NCOA2: variants seen among roughly 807,000 people sequenced by gnomAD.
NCOA2 encodes the protein nuclear receptor coactivator 2, also known as class E basic helix-loop-helix protein 75.
Under a neutral mutation model 145.1 loss-of-function variants are expected in NCOA2, and 21 were observed. That is an observed-to-expected ratio of 0.14 (90% CI 0.10 to 0.21). The LOEUF (loss-of-function observed/expected upper bound fraction) is 0.21, where lower values mean the gene tolerates loss of function less well. Ranked by LOEUF, NCOA2 falls within the 10% of genes least tolerant of loss-of-function variation. The pLI is 1.00. For missense variants in NCOA2, 1,472 were observed against 1,837.6 expected (o/e 0.80, Z 3.64); for synonymous variants, 619 against 637.5 (o/e 0.97, Z 0.44).
At chr8:70,154,508 G>C (rs1052985514) in intron 11 of NCOA2, among the ~76,000 whole-genome samples, 2 of 152,160 alleles carry the variant, frequency 1.3e-5, no homozygotes, top group African/African-American at 4.8e-5. Flanking sequence ...CAACTCCTGG[G>C]CTCAAGCAGC....
the NCOA2 span, among the ~76,000 whole-genome samples, chr8:70,427,497 T>C: frequency 6.6e-6 from 1 of 152,220 alleles, no homozygotes; most frequent in Non-Finnish European, 1.5e-5. Context: ...AGATTATCTA[T>C]TGGTCAGCGA....
At chr8:70,263,908 A>T (rs569456438) in intron 2 of NCOA2, among the ~76,000 whole-genome samples, 1 of 152,228 alleles carries the variant, frequency 6.6e-6, no homozygotes, top group African/African-American at 2.4e-5. Flanking sequence ...GTTATTAAAA[A>T]TTAAGTCTTA....
chr8:70,352,900 A>G (rs1809365777), intron 1 of NCOA2, among the ~76,000 whole-genome samples: 1 of 152,174 alleles, frequency 6.6e-6, no homozygotes, highest in Admixed American at 6.5e-5. Context: ...CAATCTGGCC[A>G]TCCTGGCAGC....
chr8:70,436,695 T>C, the NCOA2 span, among the ~76,000 whole-genome samples: 1 of 152,250 alleles, frequency 6.6e-6, no homozygotes, highest in Admixed American at 6.5e-5. Flanking sequence ...ACCAGAGTGC[T>C]GATTAAATTG....
At chr8:70,177,711 A>G (rs1815028684) in intron 4 of NCOA2, among the ~76,000 whole-genome samples, 1 of 151,498 alleles carries the variant, frequency 6.6e-6, no homozygotes, top group African/African-American at 2.4e-5. Flanking sequence ...TTCTCTCAGG[A>G]TCCAAGTCCT....
At chr8:70,344,441 C>T (rs1808424050) in intron 1 of NCOA2, among the ~76,000 whole-genome samples, 1 of 152,228 alleles carries the variant, frequency 6.6e-6, no homozygotes. Context: ...TCATTTGCTA[C>T]CTCTGCCCAC....
At chr8:70,297,626 C>G (rs1827187943) in intron 1 of NCOA2, among the ~76,000 whole-genome samples, 1 of 152,196 alleles carries the variant, frequency 6.6e-6, no homozygotes. Context: ...AACCACCATG[C>G]CCAGCCAAGG....
intron 1 of NCOA2, among the ~76,000 whole-genome samples, chr8:70,385,097 C>CAAAAATTGGGGCG (rs1812538653): frequency 1.3e-5 from 2 of 152,198 alleles, no homozygotes; most frequent in African/African-American, 2.4e-5. Flanking sequence ...AAAAACCTGA[C>CAAAAATTGGGGCG]CATAAATAAT....
intron 2 of NCOA2, among the ~76,000 whole-genome samples, chr8:70,277,452 A>G (rs1586343155): frequency 1.3e-5 from 2 of 152,206 alleles, no homozygotes; most frequent in Non-Finnish European, 2.9e-5. Flanking sequence ...ATGTAGCTAT[A>G]TCTTTCGGTT....
chr8:70,300,037 C>T (rs777888535), intron 1 of NCOA2, among the ~76,000 whole-genome samples: 3 of 152,134 alleles, frequency 2.0e-5, no homozygotes, highest in Non-Finnish European at 4.4e-5. Context: ...ATACAACACA[C>T]ACTGTATTGT....
At chr8:70,450,813 C>T in the NCOA2 span, among the ~76,000 whole-genome samples, 6 of 151,408 alleles carry the variant, frequency 4.0e-5, no homozygotes, top group Non-Finnish European at 5.9e-5. Flanking sequence ...GTTACCCACC[C>T]GCCTTGGCCT....
At chr8:70,413,590 CT>C in the NCOA2 span, among the ~76,000 whole-genome samples, 7 of 152,298 alleles carry the variant, frequency 4.6e-5, no homozygotes, top group Middle Eastern at 3.4e-3. Flanking sequence ...AAAGAACCAT[CT>C]TCAGAAGAGT....
chr8:70,259,830 T>A (rs1363813567), intron 2 of NCOA2, among the ~76,000 whole-genome samples: 5 of 152,206 alleles, frequency 3.3e-5, no homozygotes, highest in Non-Finnish European at 7.3e-5. Flanking sequence ...TTAAGAGAGC[T>A]CTCGCACATA....
intron 22 of NCOA2, among the ~76,000 whole-genome samples, chr8:70,120,624 G>A (rs781444167): frequency 2.0e-5 from 3 of 152,188 alleles, no homozygotes; most frequent in Non-Finnish European, 4.4e-5. Flanking sequence ...AAGAGGCTGA[G>A]GCAGGAGAGT....
intron 1 of NCOA2, among the ~76,000 whole-genome samples, chr8:70,361,531 T>A (rs1810200145): frequency 6.6e-6 from 1 of 152,136 alleles, no homozygotes. Context: ...AAATAACATG[T>A]ATGAAATCTT....
chr8:70,176,328 T>A (rs1814846778), intron 4 of NCOA2, among the ~76,000 whole-genome samples: 1 of 152,220 alleles, frequency 6.6e-6, no homozygotes, highest in Admixed American at 6.5e-5. Context: ...AAATTGTGAC[T>A]GCCTATAAAT....
At chr8:70,257,023 G>A (rs975340781) in intron 2 of NCOA2, among the ~76,000 whole-genome samples, 1 of 152,186 alleles carries the variant, frequency 6.6e-6, no homozygotes. Flanking sequence ...TCTGATAGGC[G>A]TCATCTTCTA....
chr8:70,301,677 A>AAAG (rs1827512614), intron 1 of NCOA2, among the ~76,000 whole-genome samples: 2 of 148,752 alleles, frequency 1.3e-5, no homozygotes, highest in South Asian at 2.1e-4. Flanking sequence ...AAAAAAAAAA[A>AAAG]AAAGAAAGAT....
At chr8:70,252,687 T>C (rs1823298516) in intron 2 of NCOA2, among the ~76,000 whole-genome samples, 1 of 152,202 alleles carries the variant, frequency 6.6e-6, no homozygotes, top group South Asian at 2.1e-4. Context: ...AGGTCATTGG[T>C]ATTAAGGTTT....
Sources: gnomAD v4.1 joint callset for allele counts (sites outside exome capture counted in the v4.1 genomes callset) on GRCh38, gnomAD v4.1.1 for gene constraint, MANE v1.5 for transcripts, NCBI Gene and HGNC (gene_info 2026-07-23, HGNC 2026-07-21) for gene names.